PKN2: variants seen among roughly 807,000 people sequenced by gnomAD.
The protein encoded by PKN2 is protein kinase N2.
PKN2 carries 38 observed loss-of-function variants against 119.1 expected under a neutral mutation model. The observed-to-expected ratio is 0.32, with a 90% CI of 0.25 to 0.42. The LOEUF (loss-of-function observed/expected upper bound fraction) is 0.42, where lower values mean the gene tolerates loss of function less well. PKN2 is among the 10% of genes least tolerant of loss of function. The pLI, the probability that PKN2 is intolerant of heterozygous loss-of-function variation, is 1.00. For missense variants in PKN2, 850 were observed against 1,165.1 expected, an observed-to-expected ratio of 0.73 and a Z score of 3.94; for synonymous variants, 390 against 384.9, an observed-to-expected ratio of 1.01 and a Z score of -0.15.
intron 1 of PKN2, among the ~76,000 whole-genome samples, chr1:88,689,768 G>C (rs1570477187): frequency 6.6e-6 from 1 of 152,170 alleles, no homozygotes; most frequent in Non-Finnish European, 1.5e-5. Flanking sequence ...CTGAGATCAC[G>C]CAACTGCACT....
chr1:88,686,594 T>C (rs1455908789), intron 1 of PKN2, among the ~76,000 whole-genome samples: 1 of 152,100 alleles, frequency 6.6e-6, no homozygotes, highest in Non-Finnish European at 1.5e-5. Flanking sequence ...GGTTGTCATA[T>C]ATCCAAGTCA....
intron 8 of PKN2, among the ~76,000 whole-genome samples, chr1:88,797,596 T>G (rs1045039079): frequency 6.7e-6 from 1 of 149,126 alleles, no homozygotes. Context: ...GAGCGGAGAT[T>G]GCGCCACTGC....
chr1:88,796,898 T>A lies in PKN2; in HGVS notation c.1282-7493T>A, dbSNP rs192781665. On this transcript the variant is annotated intron_variant, in intron 8 of 21. Coordinates refer to ENST00000370521, the MANE Select transcript of PKN2 (RefSeq NM_006256.4). The stretch of plus-strand genomic sequence containing the variant: ...GTATTAATGGGATGAATGAAAATAA[T>A]TAAAACTGAAAAGGAGGTTTGCTCA... Among the ~76,000 whole-genome samples, 451 of 152,048 alleles carry A rather than the reference T, an allele frequency of 3.0e-3. 4 individuals are homozygous for A. Among genetic ancestry groups the A allele is most frequent in the African/African-American group, 0.01 (429 of 41,510 alleles).
At chr1:88,710,670 G>T (rs140463496) in intron 1 of PKN2, among the ~76,000 whole-genome samples, 3 of 152,156 alleles carry the variant, frequency 2.0e-5, no homozygotes, top group Admixed American at 6.5e-5. Context: ...TGTCGAGGTG[G>T]AGAAAAAGGA....
Position 88,758,038 on chromosome 1 carries a change from C to CAAAAAA in PKN2, c.350-2164_350-2159dup, listed in dbSNP as rs33914457. 1.3e-3 allele frequency among the ~76,000 whole-genome samples: 78 copies of CAAAAAA among 59,040 alleles called. 1 individual carries two copies. The highest frequency in any genetic ancestry group is 3.8e-3 in the African/African-American group (56 of 14,802). 38.7% of individuals were successfully genotyped at this position (59,040 alleles called of 152,430 possible). A position where few individuals can be genotyped will look rare whatever the true frequency, so the allele number is the denominator to read the frequency against. The stretch of plus-strand genomic sequence containing the variant: ...CCTGGGCGACAGAGTGAGACTATCT[C>CAAAAAA]AAAAAAAAAAAAAAAAAAAAAAAAA... On this transcript the variant is annotated intron_variant, in intron 2 of 21. Transcript: ENST00000370521.
intron 16 of PKN2, among the ~76,000 whole-genome samples, chr1:88,814,998 A>G (rs1383561910): frequency 6.6e-6 from 1 of 152,198 alleles, no homozygotes; most frequent in Non-Finnish European, 1.5e-5. Context: ...TGAGGGACAT[A>G]GGGGTTAATT....
chr1:88,755,550 G>A (rs1001857371), intron 2 of PKN2, among the ~76,000 whole-genome samples: 2 of 152,238 alleles, frequency 1.3e-5, no homozygotes, highest in East Asian at 1.9e-4. Flanking sequence ...TTCTTGTGAA[G>A]ATTAAATGAG....
At chr1:88,798,415 A>C (rs1299483963) in intron 8 of PKN2, among the ~76,000 whole-genome samples, 1 of 152,132 alleles carries the variant, frequency 6.6e-6, no homozygotes, top group East Asian at 1.9e-4. Context: ...TAGATGTCTG[A>C]AATTTGCTTC....
intron 12 of PKN2, chr1:88,806,275 T>A: frequency 2.5e-6 from 1 of 397,114 alleles, no homozygotes; most frequent in East Asian, 5.5e-5. Flanking sequence ...CTGCAAGCCA[T>A]TCTCCTATCT....
rs966200559 is a variant in PKN2, at chr1:88,822,107, A to T, written c.2342+104A>T. On this transcript the variant is annotated intron_variant, in intron 17 of 21. Transcript: ENST00000370521. ...ACATTTTATGTTTAACCAGTTTCTT[A>T]GTTTTCTCCTTCACCTGTAAGTCAA... 4.8e-6 allele frequency: 5 copies of T among 1,042,718 alleles called. No individual in the cohort carries two copies. The South Asian group carries it at 9.9e-5, about 21-fold the overall frequency. 64.6% of individuals were successfully genotyped at this position (1,042,718 alleles called of 1,614,324 possible).
At chr1:88,733,378 C>G (rs762336094) in intron 1 of PKN2, among the ~76,000 whole-genome samples, 1 of 152,130 alleles carries the variant, frequency 6.6e-6, no homozygotes, top group Non-Finnish European at 1.5e-5. Flanking sequence ...AGTACCTATT[C>G]TAACTAGAGT....
intron 1 of PKN2, among the ~76,000 whole-genome samples, chr1:88,691,436 T>G (rs1365552309): frequency 6.6e-6 from 1 of 152,206 alleles, no homozygotes; most frequent in East Asian, 1.9e-4. Flanking sequence ...AGGGATTCTT[T>G]AAGGAGGTGT....
chr1:88,703,440 TA>T (rs1437023101), intron 1 of PKN2, among the ~76,000 whole-genome samples: 2 of 152,148 alleles, frequency 1.3e-5, no homozygotes, highest in African/African-American at 4.8e-5. Flanking sequence ...TTTTGTTATT[TA>T]TATATTTTTA....
chr1:88,800,031 G>A (rs1671243634), intron 8 of PKN2, among the ~76,000 whole-genome samples: 1 of 152,126 alleles, frequency 6.6e-6, no homozygotes, highest in Non-Finnish European at 1.5e-5. Context: ...CTGTTTTTTA[G>A]TGGCAACAGA....
rs1179604608 is a variant in PKN2, at chr1:88,771,790, T to C, written c.896T>C (p.Val299Ala). 1 of 1,614,016 alleles carries C rather than the reference T, an allele frequency of 6.2e-7. No individual in the cohort carries two copies. Among genetic ancestry groups the C allele is most frequent in the Admixed American group, 1.7e-5 (1 of 60,028 alleles). Reference sequence around the variant, plus strand: ...ATTATTATTGAAGAACTTTCACTTGTTGCTGCATCACCAACACTAAGTCCA... The same window carrying C: ...ATTATTATTGAAGAACTTTCACTTGCTGCTGCATCACCAACACTAAGTCCA... ...SRIIIEELSL[V>A]AASPTLSPRQ... The change falls in exon 6 of 22, where the codon GTT becomes GCT. Residue 299 changes from valine (V) to alanine (A), a missense_variant. By Grantham distance (64) the Val-to-Ala change is moderately conservative. Transcript: ENST00000370521.
In PKN2 at chr1:88,833,312, G is replaced by A. The variant is rs769178347; in HGVS notation, c.2819G>A (p.Arg940Gln). The A allele has an allele frequency of 6.2e-6, 10 of 1,613,406 alleles. No individual in the cohort carries two copies. The highest frequency in any genetic ancestry group is 8.5e-6 in the Non-Finnish European group (10 of 1,179,474). ...KPPFIPTIRG[R>Q]EDVSNFDDEF... ...CCATTTATACCTACCATAAGAGGAC[G>A]AGAAGATGTTAGTAATTTTGATGAT... The change falls in exon 22 of 22, where the codon CGA becomes CAA. Residue 940 changes from arginine (R) to glutamine (Q), a missense_variant. By Grantham distance (43) the Arg-to-Gln change is conservative. Transcript: ENST00000370521.
Position 88,784,800 on chromosome 1 carries a change from C to A in PKN2, c.1147C>A (p.Leu383Ile), listed in dbSNP as rs1373396584. ...SKSKSGSSRN[L>I]LKTDDLSNDV... ...AAGTAAAAGCGGAAGTAGTCGAAAT[C>A]TTCTAAAAACCGATGACTTGTCCAG... is the stretch of plus-strand genomic sequence containing the variant. Residue 383 changes from leucine to isoleucine, a missense_variant, in exon 7 of 22, where the codon CTT becomes ATT. By Grantham distance (5) the Leu-to-Ile change is conservative. Coordinates refer to ENST00000370521, the MANE Select transcript of PKN2 (RefSeq NM_006256.4). 1 of 1,551,070 alleles carries A rather than the reference C, an allele frequency of 6.4e-7. No individual in the cohort carries two copies. The highest frequency in any genetic ancestry group is 8.9e-7 in the Non-Finnish European group (1 of 1,125,558).
chr1:88,818,135 C>T (rs1016550629), intron 16 of PKN2, among the ~76,000 whole-genome samples: 1 of 152,056 alleles, frequency 6.6e-6, no homozygotes, highest in South Asian at 2.1e-4. Context: ...AATAAAATAC[C>T]TAGGAATACA....
At chr1:88,806,543 T>G (rs192899927) in intron 12 of PKN2, among the ~76,000 whole-genome samples, 1 of 152,174 alleles carries the variant, frequency 6.6e-6, no homozygotes, top group African/African-American at 2.4e-5. Context: ...CTTCTTAATG[T>G]TGGCATGAAA....
Sources: gnomAD v4.1 joint callset for allele counts (sites outside exome capture counted in the v4.1 genomes callset) on GRCh38, gnomAD v4.1.1 for gene constraint, MANE v1.5 for transcripts, NCBI Gene and HGNC (gene_info 2026-07-23, HGNC 2026-07-21) for gene names.